SAMHD1: variants seen among roughly 807,000 people sequenced by gnomAD.
The protein encoded by SAMHD1 is SAM and HD domain containing deoxynucleoside triphosphate triphosphohydrolase 1.
Under a neutral mutation model 79.6 loss-of-function variants are expected in SAMHD1, and 54 were observed. That is an observed-to-expected ratio of 0.68 (90% CI 0.55 to 0.85). The LOEUF (loss-of-function observed/expected upper bound fraction) is 0.85. SAMHD1 is among the 40% of genes least tolerant of loss of function. The pLI is 0.00. For synonymous variants in SAMHD1, 260 were observed against 264.1 expected, an observed-to-expected ratio of 0.98 and a Z score of 0.15; for missense variants, 663 against 782.7, an observed-to-expected ratio of 0.85 and a Z score of 1.82.
At chr20:36,890,163 A>C (rs1381141038), downstream of SAMHD1, 1 of 152,234 alleles carries the variant, frequency 6.6e-6, no homozygotes, top group Admixed American at 6.5e-5. Flanking sequence ...GGAGTAAATG[A>C]GTAATATGCA....
At chr20:36,930,542 A>G (rs780864483) in intron 5 of SAMHD1, among the ~76,000 whole-genome samples, 3 of 152,160 alleles carry the variant, frequency 2.0e-5, no homozygotes, top group Admixed American at 6.6e-5. Flanking sequence ...GATGTTTAAC[A>G]TGAGAAATTC....
chr20:36,947,145 A>C, intron 1 of SAMHD1: 1 of 272,572 alleles, frequency 3.7e-6, no homozygotes, highest in Non-Finnish European at 7.1e-6. Flanking sequence ...AAGGAAACCT[A>C]AGTCTATTGT....
chr20:36,896,064 TTTTTC>T (rs547936743), intron 15 of SAMHD1, among the ~76,000 whole-genome samples: 25 of 151,878 alleles, frequency 1.6e-4, no homozygotes, highest in African/African-American at 5.8e-4. Flanking sequence ...CATCTGTGGA[TTTTTC>T]TTTTCTTTTC....
At chr20:36,914,732 C>T (rs571612554) in intron 9 of SAMHD1, among the ~76,000 whole-genome samples, 37 of 151,306 alleles carry the variant, frequency 2.4e-4, no homozygotes, top group Admixed American at 9.9e-4. Flanking sequence ...GTAGATGGGG[C>T]GTGGCGGCTC....
rs754519810 is a variant in SAMHD1, at chr20:36,951,551, G to A, written c.93C>T (p.Asp31=). ...TPSNTPSAEA[D]WSPGLELHPD... is the part of the protein sequence containing the mutation. ...GATGGAGTTCCAGGCCCGGGGACCA[G>A]TCTGCCTCTGCGGAAGGGGTGTTTG... Residue 31 remains aspartate (D), a synonymous_variant, in exon 1 of 16, where the codon GAC becomes GAT. Coordinates refer to ENST00000646673, the MANE Select transcript of SAMHD1 (RefSeq NM_015474.4). The A allele has an allele frequency of 3.1e-6, 5 of 1,614,234 alleles. No individual in the cohort carries two copies. In the East Asian group the frequency reaches 8.9e-5, roughly 29 times the overall value.
intron 5 of SAMHD1, among the ~76,000 whole-genome samples, chr20:36,928,473 T>G (rs1191768023): frequency 1.3e-5 from 2 of 149,820 alleles, no homozygotes; most frequent in Non-Finnish European, 3.0e-5. Flanking sequence ...GATCACGAGG[T>G]CAGGAGTTCA....
At chr20:36,898,636 G>T in intron 13 of SAMHD1, 92 bp from the exon 14 acceptor site, 2 of 968,024 alleles carry the variant, frequency 2.1e-6, no homozygotes, top group Non-Finnish European at 3.3e-6. Flanking sequence ...AACAGAGGCC[G>T]GGCGCAGTAG....
intron 7 of SAMHD1, among the ~76,000 whole-genome samples, chr20:36,918,464 A>AT (rs1239956428): frequency 6.6e-5 from 10 of 151,146 alleles, no homozygotes; most frequent in East Asian, 2.0e-4. Context: ...AAAAAAAAAA[A>AT]TTTTTTTTAA....
intron 9 of SAMHD1, among the ~76,000 whole-genome samples, chr20:36,916,034 G>A (rs967084517): frequency 4.6e-5 from 7 of 151,972 alleles, no homozygotes; most frequent in Admixed American, 2.6e-4. Flanking sequence ...AGTGGCGAGT[G>A]CCTGTAGTCC....
Position 36,892,580 on chromosome 20 carries a change from C to A in SAMHD1, c.*352G>T. 3.2e-6 allele frequency: 1 copy of A among 314,942 alleles called. No homozygotes were observed. The highest frequency in any genetic ancestry group is 6.1e-6 in the Non-Finnish European group (1 of 164,780). The allele number at this position is 314,942 out of a possible 1,614,324, so 19.5% of individuals were successfully genotyped here. On this transcript the variant is annotated 3_prime_UTR_variant, in exon 16 of 16. Transcript: ENST00000646673. Reference sequence around the variant, plus strand: ...CTGAGGCAGGAGGGTCGCTTGAGCCCAGGAAAGTTCGAGTCCAAGCTGGGC... The same window carrying A: ...CTGAGGCAGGAGGGTCGCTTGAGCCAAGGAAAGTTCGAGTCCAAGCTGGGC...
rs1177875799 is a variant in SAMHD1, at chr20:36,890,511, C to A, written c.*2421G>T. On this transcript the variant is annotated 3_prime_UTR_variant, in exon 16 of 16. Transcript: ENST00000646673. ...CAGAGTTTCGCTCTTGACCCCGAGG[C>A]TGGAGTGCAGTGGCCTGATCTTGGC... The A allele has an allele frequency of 4.0e-5, 6 of 151,364 alleles. No homozygotes were observed. The highest frequency in any genetic ancestry group is 6.6e-5 in the Admixed American group (1 of 15,060). The allele number at this position is 151,364 out of a possible 1,614,324, so 9.4% of individuals were successfully genotyped here. A position where few individuals can be genotyped will look rare whatever the true frequency, so the allele number is the denominator to read the frequency against.
intron 5 of SAMHD1, among the ~76,000 whole-genome samples, chr20:36,929,895 A>T (rs1323930442): frequency 2.6e-5 from 4 of 152,094 alleles, no homozygotes; most frequent in Non-Finnish European, 5.9e-5. Flanking sequence ...AATGGATTTC[A>T]CCAAATAACC....
chr20:36,944,077 C>CAAAAAAAAAAAAAAAAAAAA (rs542947370), intron 2 of SAMHD1, among the ~76,000 whole-genome samples: 1 of 89,996 alleles, frequency 1.1e-5, no homozygotes, highest in African/African-American at 4.1e-5. Context: ...GACTCCATCT[C>CAAAAAAAAAAAAAAAAAAAA]AAAAAAAAAA....
intron 3 of SAMHD1, among the ~76,000 whole-genome samples, chr20:36,938,776 T>G (rs1298228641): frequency 6.7e-6 from 1 of 149,600 alleles, no homozygotes; most frequent in Non-Finnish European, 1.5e-5. Flanking sequence ...AACCTGGGAT[T>G]TGGAAGTTGC....
intron 6 of SAMHD1, among the ~76,000 whole-genome samples, chr20:36,924,978 G>A (rs895448367): frequency 1.3e-5 from 2 of 151,788 alleles, no homozygotes; most frequent in African/African-American, 4.8e-5. Context: ...CCAACATGGT[G>A]AAAGCCATCT....
At chr20:36,930,640 C>T (rs537901987) in intron 5 of SAMHD1, 120 bp downstream of exon 5, 1 of 776,580 alleles carries the variant, frequency 1.3e-6, no homozygotes, top group African/African-American at 1.7e-5. Flanking sequence ...ATACTAACAT[C>T]AACTGAAGAA....
At chr20:36,951,283 G>A (rs966641073) in intron 1 of SAMHD1, among the ~76,000 whole-genome samples, 153 bp downstream of exon 1, 2 of 151,314 alleles carry the variant, frequency 1.3e-5, no homozygotes, top group Admixed American at 6.6e-5. Context: ...TCCTTTCCTC[G>A]GCGCCCCCAG....
intron 4 of SAMHD1, among the ~76,000 whole-genome samples, chr20:36,932,274 C>G (rs1393110492): frequency 6.8e-6 from 1 of 147,108 alleles, no homozygotes; most frequent in Admixed American, 7.0e-5. Flanking sequence ...TCACTTGAAC[C>G]GAGGAGGCGG....
chr20:36,938,147 T>C (rs2063616837), intron 3 of SAMHD1, among the ~76,000 whole-genome samples: 1 of 152,064 alleles, frequency 6.6e-6, no homozygotes, highest in Non-Finnish European at 1.5e-5. Context: ...GGATTACGGG[T>C]GTGAGCCACC....
Sources: gnomAD v4.1 joint callset for allele counts (sites outside exome capture counted in the v4.1 genomes callset) on GRCh38, gnomAD v4.1.1 for gene constraint, MANE v1.5 for transcripts, NCBI Gene and HGNC (gene_info 2026-07-23, HGNC 2026-07-21) for gene names.